Variants in TERF2 observed in about 807,000 individuals in gnomAD.
TERF2 encodes the protein telomeric repeat-binding factor 2.
Under a neutral mutation model 56.1 loss-of-function variants are expected in TERF2, and 16 were observed. The observed-to-expected ratio is 0.29, with a 90% CI of 0.19 to 0.43. TERF2 has a LOEUF of 0.43. Among genes scored for constraint, TERF2 ranks in the 20% least tolerant of loss-of-function variants. The probability of loss-of-function intolerance (pLI) is 1.00; values close to 1 mark genes in which losing one functional copy is unlikely to be tolerated. For synonymous variants in TERF2, 296 were observed against 282.1 expected (o/e 1.05, Z -0.50); for missense variants, 547 against 712.9 (o/e 0.77, Z 2.65).
intron 9 of TERF2, 108 bp downstream of exon 9, chr16:69,357,410 A>C (rs1401803952): frequency 1.1e-6 from 1 of 888,876 alleles, no homozygotes; most frequent in Non-Finnish European, 1.8e-6. Flanking sequence ...AATCTCAAAA[A>C]AAGGTTTTTA....
intron 8 of TERF2, among the ~76,000 whole-genome samples, chr16:69,359,248 C>T (rs1484556311): frequency 6.6e-6 from 1 of 152,180 alleles, no homozygotes; most frequent in Non-Finnish European, 1.5e-5. Context: ...ATGGTTTTGG[C>T]TGGGTGTGGT....
chr16:69,385,740 C>T lies in TERF2; in HGVS notation c.232G>A (p.Gly78Arg), dbSNP rs2014177647. 2 of 1,506,472 alleles carry T rather than the reference C, an allele frequency of 1.3e-6. No individual in the cohort carries two copies. The highest frequency in any genetic ancestry group is 2.9e-5 in the African/African-American group (2 of 69,092). 93.3% of individuals were successfully genotyped at this position (1,506,472 alleles called of 1,614,324 possible). ...CCCGCGCCGCGCTCCGCCGGGCCCC[C>T]CAGCCCCGGCTCGTGGCGCCCCCGC... is the stretch of plus-strand genomic sequence containing the variant. ...ARRGRHEPGL[G>R]GPAERGAGEA... Residue 78 changes from glycine to arginine, a missense_variant, in exon 1 of 10, where the codon GGG becomes AGG. Physicochemically the swap from Gly to Arg is moderately radical, Grantham distance 125. Transcript: ENST00000254942.
At chr16:69,380,097 G>A (rs1260936130) in intron 3 of TERF2, among the ~76,000 whole-genome samples, 1 of 151,892 alleles carries the variant, frequency 6.6e-6, no homozygotes, top group South Asian at 2.1e-4. Flanking sequence ...ATTTTTGGTA[G>A]AGACAGGGTT....
rs2013380449 is a variant in TERF2, at chr16:69,367,090, T to C, written c.1057A>G (p.Lys353Glu). Reference sequence around the variant, plus strand: ...GCTTGAGTAGGAAGAACCAGATCCTTCTGGTCCAGTTTTGCAAAGGCTGCC... The same window carrying C: ...GCTTGAGTAGGAAGAACCAGATCCTCCTGGTCCAGTTTTGCAAAGGCTGCC... ...SEAAFAKLDQ[K>E]DLVLPTQALP... The change falls in exon 7 of 10, where the codon AAG becomes GAG. Residue 353 changes from lysine (K) to glutamate (E), a missense_variant. By Grantham distance (56) the Lys-to-Glu change is moderately conservative. This residue lies in a region of TERF2 where 211 missense variants were observed against 236.8 expected (regional missense o/e 0.89). Transcript: ENST00000254942. 1 of 1,614,220 alleles carries C rather than the reference T, an allele frequency of 6.2e-7. No homozygotes were observed. The highest frequency in any genetic ancestry group is 8.5e-7 in the Non-Finnish European group (1 of 1,180,038).
intron 7 of TERF2, among the ~76,000 whole-genome samples, chr16:69,363,035 G>A (rs184929977): frequency 1.3e-5 from 2 of 152,310 alleles, no homozygotes; most frequent in African/African-American, 4.8e-5. Flanking sequence ...AAGTGGCTGA[G>A]ACAAATGGTA....
intron 7 of TERF2, among the ~76,000 whole-genome samples, 169 bp from the exon 8 acceptor site, chr16:69,361,658 G>A (rs544587482): frequency 6.6e-6 from 1 of 152,198 alleles, no homozygotes; most frequent in African/African-American, 2.4e-5. Flanking sequence ...CTCCTGGCTG[G>A]CCAGGCATCT....
intron 8 of TERF2, among the ~76,000 whole-genome samples, chr16:69,358,789 G>A (rs150950240): frequency 2.6e-5 from 4 of 152,244 alleles, no homozygotes; most frequent in Admixed American, 2.6e-4. Context: ...AAAAACATTG[G>A]TGCAACTCCA....
At chr16:69,367,793 C>T (rs1033981271) in intron 6 of TERF2, among the ~76,000 whole-genome samples, 2 of 152,162 alleles carry the variant, frequency 1.3e-5, no homozygotes, top group Admixed American at 1.3e-4. Flanking sequence ...AGTGGATCAA[C>T]TGTTAACATC....
chr16:69,357,642 C>G, intron 8 of TERF2, 81 bp from the exon 9 acceptor site: 1 of 1,525,230 alleles, frequency 6.6e-7, no homozygotes, highest in Non-Finnish European at 8.9e-7. Context: ...GGAATGTCCC[C>G]AAAGGGAAAA....
At chr16:69,381,943 T>A (rs914994904) in intron 3 of TERF2, among the ~76,000 whole-genome samples, 15 of 152,202 alleles carry the variant, frequency 9.9e-5, no homozygotes, top group Non-Finnish European at 2.2e-4. Flanking sequence ...CTAACATTCT[T>A]AATTAAAATT....
chr16:69,365,092 G>A (rs2013289114), intron 7 of TERF2: 1 of 152,250 alleles, frequency 6.6e-6, no homozygotes, highest in Non-Finnish European at 1.5e-5. Flanking sequence ...ATATGAGAGA[G>A]GGTGTATGTC....
At chr16:69,363,028 T>A (rs181294154) in intron 7 of TERF2, among the ~76,000 whole-genome samples, 1 of 152,354 alleles carries the variant, frequency 6.6e-6, no homozygotes, top group African/African-American at 2.4e-5. Context: ...CTTAACTAAG[T>A]GGCTGAGACA....
intron 5 of TERF2, 78 bp downstream of exon 5, chr16:69,370,405 C>G (rs2142737106): frequency 1.3e-6 from 2 of 1,547,896 alleles, no homozygotes; most frequent in Non-Finnish European, 1.8e-6. Context: ...CACATCAACT[C>G]TTTTCACTTC....
chr16:69,376,939 G>A (rs534201918), intron 3 of TERF2, among the ~76,000 whole-genome samples: 10 of 151,686 alleles, frequency 6.6e-5, no homozygotes, highest in East Asian at 5.8e-4. Context: ...GATGGCTCAC[G>A]TCTGTAATCC....
Position 69,385,594 on chromosome 16 carries a change from C to G in TERF2, c.378G>C (p.Gln126His). The change falls in exon 1 of 10, where the codon CAG (glutamine) becomes CAC (histidine). Residue 126 changes from glutamine to histidine, a missense_variant and splice_region_variant. By Grantham distance (24) the Gln-to-His change is conservative. This residue lies in a region of TERF2 where 120 missense variants were observed against 172.4 expected (regional missense o/e 0.70). Coordinates refer to ENST00000254942, the MANE Select transcript of TERF2 (RefSeq NM_005652.5). ...CCCCTCCCCCGGCCCGGCCCTCACC[C>G]TGCATGATGTCCCGGATCTGTCTGA... Reference protein sequence around the residue: ...GDFRQIRDIMQALLVRPLGKE... With the variant: ...GDFRQIRDIMHALLVRPLGKE... The G allele has an allele frequency of 6.2e-7, 1 of 1,611,204 alleles. No individual in the cohort carries two copies. Among genetic ancestry groups the G allele is most frequent in the Non-Finnish European group, 8.5e-7 (1 of 1,179,128 alleles).
intron 3 of TERF2, among the ~76,000 whole-genome samples, chr16:69,377,755 A>G (rs1227848955): frequency 6.6e-6 from 1 of 152,180 alleles, no homozygotes; most frequent in Non-Finnish European, 1.5e-5. Flanking sequence ...ATATGGAAAT[A>G]TGACTGACTT....
In TERF2 at chr16:69,385,630, C is replaced by T. The variant is rs755335004; in HGVS notation, c.342G>A (p.Arg114=). ...HEALRAFRGS[R]YGDFRQIRDI... is the part of the protein sequence containing the mutation. ...CCCGGATCTGTCTGAAGTCCCCGTA[C>T]CGGCTACCCCGAAAGGCCCGCAGCG... Residue 114 remains arginine (R), a synonymous_variant, in exon 1 of 10, where the codon CGG becomes CGA. Coordinates refer to ENST00000254942, the MANE Select transcript of TERF2 (RefSeq NM_005652.5). 1 of 1,608,804 alleles carries T rather than the reference C, an allele frequency of 6.2e-7. No homozygotes were observed. The highest frequency in any genetic ancestry group is 2.2e-5 in the East Asian group (1 of 44,496).
In TERF2 at chr16:69,384,874, G is replaced by A. The variant is rs1382505508; in HGVS notation, c.476-164C>T. Reference sequence around the variant, plus strand: ...CTACAGGTTGACATACACGATAAGGGTCCAAATTCAAATCAATGAATTTAA... The same window carrying A: ...CTACAGGTTGACATACACGATAAGGATCCAAATTCAAATCAATGAATTTAA... On this transcript the variant is annotated intron_variant, in intron 2 of 9. Transcript: ENST00000254942. 5 of 596,314 alleles carry A rather than the reference G, an allele frequency of 8.4e-6. No individual in the cohort carries two copies. The African/African-American group carries it at 9.7e-5, about 12-fold the overall frequency. The allele number at this position is 596,314 out of a possible 1,614,324, so 36.9% of individuals were successfully genotyped here.
chr16:69,374,829 G>GT (rs1208135741), intron 3 of TERF2, among the ~76,000 whole-genome samples: 2 of 151,886 alleles, frequency 1.3e-5, no homozygotes, highest in African/African-American at 4.8e-5. Context: ...GACGGGCATG[G>GT]TAGTGCGCAC....
Sources: gnomAD v4.1 joint callset for allele counts (sites outside exome capture counted in the v4.1 genomes callset) on GRCh38, gnomAD v4.1.1 for gene constraint, gnomAD v4.1.1 regional missense constraint, MANE v1.5 for transcripts, NCBI Gene and HGNC (gene_info 2026-07-23, HGNC 2026-07-21) for gene names.